FSTL5: variants seen among roughly 807,000 people sequenced by gnomAD.
FSTL5 encodes the protein follistatin-related protein 5.
FSTL5 carries 62 observed loss-of-function variants against 89.1 expected under a neutral mutation model. That is an observed-to-expected ratio of 0.70 (90% CI 0.57 to 0.86). The LOEUF (loss-of-function observed/expected upper bound fraction) is 0.86, where lower values mean the gene tolerates loss of function less well. Among genes scored for constraint, FSTL5 ranks in the 40% least tolerant of loss-of-function variants. FSTL5 has a pLI of 0.00. For missense variants in FSTL5, 1,057 were observed against 1,001.6 expected, an observed-to-expected ratio of 1.06 and a Z score of -0.75; for synonymous variants, 383 against 346.2, an observed-to-expected ratio of 1.11 and a Z score of -1.18.
intron 3 of FSTL5, among the ~76,000 whole-genome samples, chr4:162,031,922 A>T (rs938331133): frequency 1.3e-5 from 2 of 152,112 alleles, no homozygotes; most frequent in Non-Finnish European, 2.9e-5. Context: ...TGGGCAACAG[A>T]GCGAGACTCC....
chr4:161,423,527 T>C (rs2126319198), intron 15 of FSTL5, among the ~76,000 whole-genome samples: 1 of 152,300 alleles, frequency 6.6e-6, no homozygotes, highest in South Asian at 2.1e-4. Flanking sequence ...GTTTTCTTCA[T>C]ATCTTTTATT....
intron 2 of FSTL5, among the ~76,000 whole-genome samples, chr4:162,036,529 A>G (rs568809522): frequency 1.3e-5 from 2 of 152,250 alleles, no homozygotes; most frequent in African/African-American, 4.8e-5. Flanking sequence ...GGAAGCCACT[A>G]GCATATGCAT....
At chr4:161,938,653 T>C (rs1244460771) in intron 3 of FSTL5, among the ~76,000 whole-genome samples, 1 of 152,030 alleles carries the variant, frequency 6.6e-6, no homozygotes, top group Non-Finnish European at 1.5e-5. Context: ...AATAAACTGG[T>C]CAAATAATGC....
intron 15 of FSTL5, among the ~76,000 whole-genome samples, chr4:161,447,184 C>A (rs1026147137): frequency 3.3e-5 from 5 of 151,878 alleles, no homozygotes; most frequent in Non-Finnish European, 7.4e-5. Context: ...TATTAGTGCT[C>A]CATTGATTTC....
chr4:161,479,664 G>C (rs1192159685), intron 13 of FSTL5, among the ~76,000 whole-genome samples: 3 of 152,080 alleles, frequency 2.0e-5, no homozygotes, highest in African/African-American at 4.8e-5. Context: ...ATAAATATCA[G>C]ACCATTAGAT....
At chr4:161,712,920 C>T (rs138021042) in intron 6 of FSTL5, among the ~76,000 whole-genome samples, 129 of 152,266 alleles carry the variant, frequency 8.5e-4, no homozygotes, top group Middle Eastern at 3.4e-3. Context: ...CTTTCTAAGG[C>T]CTCTTCAGAA....
At chr4:161,823,957 T>C (rs888224979) in intron 4 of FSTL5, among the ~76,000 whole-genome samples, 1 of 152,220 alleles carries the variant, frequency 6.6e-6, no homozygotes, top group African/African-American at 2.4e-5. Context: ...TCCCACTCTA[T>C]GGGTTGTCTG....
rs560411414 is a variant in FSTL5, at chr4:162,091,362, G to A, written c.126+19909C>T. Among the ~76,000 whole-genome samples the A allele has an allele frequency of 3.0e-4, 45 of 152,084 alleles. 1 individual carries two copies. Among genetic ancestry groups the A allele is most frequent in the South Asian group, 2.1e-3 (10 of 4,800 alleles). ...GGGAGGTTTTAAATATCTAAACCTCGGATAGGCATCTCACTTCATAATCTT... is the reference window on the plus strand; with the variant it reads ...GGGAGGTTTTAAATATCTAAACCTCAGATAGGCATCTCACTTCATAATCTT... On this transcript the variant is annotated intron_variant, in intron 2 of 15. Transcript: ENST00000306100.
chr4:161,791,159 T>C (rs1729460728), intron 4 of FSTL5, among the ~76,000 whole-genome samples: 1 of 151,886 alleles, frequency 6.6e-6, no homozygotes, highest in African/African-American at 2.4e-5. Flanking sequence ...TGGCAAGCAT[T>C]TGAGAAGTCC....
chr4:161,441,381 T>C (rs537099084), intron 15 of FSTL5, among the ~76,000 whole-genome samples: 3 of 152,140 alleles, frequency 2.0e-5, no homozygotes, highest in Non-Finnish European at 4.4e-5. Context: ...CCCTTCATTG[T>C]TACAATTTAA....
rs1270518941 is a variant in FSTL5, at chr4:161,759,457, A to C, written c.681T>G (p.Phe227Leu). ...CAAGAGCCAGGTGCTTGTCAGCATT[A>C]AAATCATCATATTTCAATAGAACAT... ...TLYVLLKYDD[F>L]NADKHLALEE... Residue 227 changes from phenylalanine (F) to leucine (L), a missense_variant, in exon 6 of 16, where the codon TTT becomes TTG. This residue lies in a region of FSTL5 where 980 missense variants were observed against 903.2 expected (regional missense o/e 1.08). Transcript: ENST00000306100. The C allele has an allele frequency of 6.3e-7, 1 of 1,597,280 alleles. No individual in the cohort carries two copies. Among genetic ancestry groups the C allele is most frequent in the African/African-American group, 1.4e-5 (1 of 74,026 alleles).
At chr4:161,454,894 A>T in intron 15 of FSTL5, 110 bp downstream of exon 15, 1 of 974,044 alleles carries the variant, frequency 1.0e-6, no homozygotes, top group Non-Finnish European at 1.5e-6. Context: ...AGCAAGTTCA[A>T]TTGTACATGT....
chr4:161,648,625 A>G (rs1578994131), intron 7 of FSTL5, among the ~76,000 whole-genome samples: 1 of 152,056 alleles, frequency 6.6e-6, no homozygotes. Flanking sequence ...ACAGGAATAA[A>G]TCCAAGATTT....
chr4:161,859,741 CCATGTGAG>C (rs1393392664), intron 4 of FSTL5, among the ~76,000 whole-genome samples: 1 of 152,060 alleles, frequency 6.6e-6, no homozygotes, highest in Non-Finnish European at 1.5e-5. Flanking sequence ...GTATAGCAAC[CCATGTGAG>C]GTAGCAGAGG....
In FSTL5 at chr4:161,504,009, T is replaced by C. The variant is rs75981476; in HGVS notation, c.1340-3875A>G. 1.3e-4 allele frequency among the ~76,000 whole-genome samples: 20 copies of C among 152,050 alleles called. 1 individual carries two copies. The East Asian group carries it at 3.9e-3, about 29-fold the overall frequency. On this transcript the variant is annotated intron_variant, in intron 11 of 15. Coordinates refer to ENST00000306100, the MANE Select transcript of FSTL5 (RefSeq NM_020116.5). ...ATGAAGTAGAATGTTACGTGGGATA[T>C]CACAATTCATGCAGAAGCAGATGTA...
intron 7 of FSTL5, among the ~76,000 whole-genome samples, chr4:161,610,477 G>A (rs903761436): frequency 3.9e-5 from 6 of 152,174 alleles, no homozygotes; most frequent in African/African-American, 1.2e-4. Context: ...CTACAGCAAA[G>A]TTATAGCTTA....
At chr4:161,777,243 G>GTATATATATATATATATATATA (rs4065063) in intron 4 of FSTL5, among the ~76,000 whole-genome samples, 1 of 144,972 alleles carries the variant, frequency 6.9e-6, no homozygotes, top group Non-Finnish European at 1.5e-5. Flanking sequence ...ATTTCATTGT[G>GTATATATATATATATATATATA]TATATATATA....
chr4:161,674,850 A>T (rs1437142753), intron 6 of FSTL5, among the ~76,000 whole-genome samples: 1 of 152,136 alleles, frequency 6.6e-6, no homozygotes. Flanking sequence ...GTTGCATCTA[A>T]ATTCTGTCTC....
At chr4:161,676,760 C>CACAA (rs1737320455) in intron 6 of FSTL5, among the ~76,000 whole-genome samples, 1 of 151,840 alleles carries the variant, frequency 6.6e-6, no homozygotes, top group Non-Finnish European at 1.5e-5. Flanking sequence ...CACACACACA[C>CACAA]ACACACACAC....
Sources: allele counts gnomAD v4.1 joint callset (sites outside exome capture counted in the v4.1 genomes callset), GRCh38; gene constraint gnomAD v4.1.1; regional missense constraint gnomAD v4.1.1; transcripts MANE v1.5; gene names NCBI Gene and HGNC (gene_info 2026-07-23, HGNC 2026-07-21).